Variants in NLK observed in about 807,000 individuals in gnomAD.
NLK encodes the protein serine/threonine-protein kinase NLK.
In NLK, 11 loss-of-function variants were observed where a neutral mutation model predicts 59.0. That is an observed-to-expected ratio of 0.19 (90% CI 0.12 to 0.31). The LOEUF (loss-of-function observed/expected upper bound fraction) is 0.31, where lower values mean the gene tolerates loss of function less well. Among genes scored for constraint, NLK ranks in the 10% least tolerant of loss-of-function variants. The pLI is 1.00. For missense variants in NLK, 410 were observed against 661.1 expected (o/e 0.62, Z 4.16); for synonymous variants, 235 against 235.9 (o/e 1.00, Z 0.03).
chr17:28,058,673 G>A (rs976539245), intron 1 of NLK, among the ~76,000 whole-genome samples: 4 of 152,072 alleles, frequency 2.6e-5, no homozygotes, highest in Non-Finnish European at 4.4e-5. Context: ...GGCAGGAGGC[G>A]CTTTTGAGCC....
In NLK at chr17:28,172,537, G is replaced by T; in HGVS notation, c.1068G>T (p.Leu356=). 6.3e-7 allele frequency: 1 copy of T among 1,592,162 alleles called. No homozygotes were observed. Among genetic ancestry groups the T allele is most frequent in the Non-Finnish European group, 8.5e-7 (1 of 1,170,184 alleles). ...TGTAGTTGGATTTGATCACGGATCT[G>T]TTGGGCACACCATCACTGGAAGCAA... The part of the protein sequence containing the change: ...PIQQLDLITD[L]LGTPSLEAMR... The change falls in exon 7 of 11, where the codon CTG becomes CTT. Residue 356 remains leucine, a synonymous_variant. Coordinates refer to ENST00000407008, the MANE Select transcript of NLK (RefSeq NM_016231.5).
intron 1 of NLK, chr17:28,048,867 G>C (rs1302837316): frequency 6.6e-6 from 1 of 152,210 alleles, no homozygotes; most frequent in African/African-American, 2.4e-5. Flanking sequence ...CAAGGCCAAA[G>C]AAACTTTTTC....
the NLK span, among the ~76,000 whole-genome samples, chr17:28,201,594 T>C: frequency 2.0e-5 from 3 of 152,020 alleles, no homozygotes; most frequent in African/African-American, 7.2e-5. Flanking sequence ...ACTAGCCAAT[T>C]GAACTCAGGA....
intron 2 of NLK, among the ~76,000 whole-genome samples, chr17:28,131,293 A>C (rs1005780179): frequency 1.1e-4 from 16 of 152,162 alleles, no homozygotes; most frequent in African/African-American, 3.9e-4. Context: ...TTAGACTAAC[A>C]AACTTTTTTT....
At chr17:28,071,434 CTTTTTT>C (rs538917495) in intron 1 of NLK, among the ~76,000 whole-genome samples, 2 of 132,898 alleles carry the variant, frequency 1.5e-5, no homozygotes, top group African/African-American at 5.5e-5. Context: ...TAGCTCTCCA[CTTTTTT>C]TTTTTTTTTT....
At chr17:28,054,601 C>T (rs1055441625) in intron 1 of NLK, among the ~76,000 whole-genome samples, 2 of 152,136 alleles carry the variant, frequency 1.3e-5, no homozygotes, top group African/African-American at 2.4e-5. Flanking sequence ...TTAAATTATA[C>T]TCCTTATAGC....
intron 6 of NLK, among the ~76,000 whole-genome samples, chr17:28,169,777 A>G (rs1468912173): frequency 4.1e-5 from 6 of 147,840 alleles, no homozygotes; most frequent in Non-Finnish European, 7.4e-5. Flanking sequence ...TGTACAATGA[A>G]GTAGGAAAGC....
chr17:28,045,469 T>C (rs1909017986), intron 1 of NLK, among the ~76,000 whole-genome samples: 1 of 152,204 alleles, frequency 6.6e-6, no homozygotes, highest in African/African-American at 2.4e-5. Flanking sequence ...CTGCTTGGCT[T>C]GTGGATGGCC....
intron 1 of NLK, among the ~76,000 whole-genome samples, chr17:28,056,829 A>C (rs1237293585): frequency 6.6e-6 from 1 of 151,376 alleles, no homozygotes; most frequent in Non-Finnish European, 1.5e-5. Flanking sequence ...TCATTCCCCT[A>C]CCTATTTTTT....
At chr17:28,118,201 A>C (rs1905865321) in intron 1 of NLK, among the ~76,000 whole-genome samples, 1 of 152,210 alleles carries the variant, frequency 6.6e-6, no homozygotes, top group Non-Finnish European at 1.5e-5. Flanking sequence ...CTAAATATTT[A>C]GAGTTTAGTT....
At chr17:28,101,929 G>A (rs1020938855) in intron 1 of NLK, among the ~76,000 whole-genome samples, 4 of 151,966 alleles carry the variant, frequency 2.6e-5, no homozygotes, top group Non-Finnish European at 4.4e-5. Flanking sequence ...TATTTTATCT[G>A]ATTCTAATAT....
chr17:28,194,472 A>G (rs1274279213), intron 10 of NLK, 110 bp from the exon 11 acceptor site: 6 of 716,654 alleles, frequency 8.4e-6, no homozygotes, highest in African/African-American at 1.8e-5. Context: ...ATAAAAATCC[A>G]GAAGTGGAAT....
Position 28,168,444 on chromosome 17 carries a change from C to T in NLK, c.838-4C>T. 6.2e-7 allele frequency: 1 copy of T among 1,604,610 alleles called. No homozygotes were observed. Among genetic ancestry groups the T allele is most frequent in the African/African-American group, 1.3e-5 (1 of 74,658 alleles). ...ATAATGTTTTGATTGCCTTTTCTGT[C>T]TAGATTTGTGATTTTGGATTGGCCA... On this transcript the variant is annotated splice_region_variant and splice_polypyrimidine_tract_variant and intron_variant, in intron 5 of 10. Coordinates refer to ENST00000407008, the MANE Select transcript of NLK (RefSeq NM_016231.5).
chr17:28,200,853 T>C (rs567143301), downstream of NLK, among the ~76,000 whole-genome samples: 1 of 152,350 alleles, frequency 6.6e-6, no homozygotes, highest in Non-Finnish European at 1.5e-5. Flanking sequence ...TTTTAACGCT[T>C]ATACTGGCAA....
rs188749097 is a variant in NLK at position 28,098,763 on chromosome 17, C to A, written c.459-23840C>A. Among the ~76,000 whole-genome samples the A allele has an allele frequency of 3.8e-3, 566 of 149,506 alleles. 7 individuals carry two copies. The highest frequency in any genetic ancestry group is 0.013 in the African/African-American group (544 of 40,526). ...AATGGCGCCATCTCGGCTCACCACA[C>A]CCTCCGCCTCCCGGGTTCAAGTGAT... On this transcript the variant is annotated intron_variant, in intron 1 of 10. Coordinates refer to ENST00000407008, the MANE Select transcript of NLK (RefSeq NM_016231.5).
intron 3 of NLK, among the ~76,000 whole-genome samples, chr17:28,148,308 C>G (rs1907341154): frequency 6.7e-6 from 1 of 148,308 alleles, no homozygotes; most frequent in Non-Finnish European, 1.5e-5. Context: ...AACATTTATA[C>G]ACATTTATAC....
chr17:28,063,639 T>A (rs1315078640), intron 1 of NLK, among the ~76,000 whole-genome samples: 1 of 152,212 alleles, frequency 6.6e-6, no homozygotes, highest in Admixed American at 6.5e-5. Context: ...GCTTATATAG[T>A]CAAACTTGTA....
chr17:28,194,471 C>A, intron 10 of NLK, 111 bp from the exon 11 acceptor site: 8 of 704,586 alleles, frequency 1.1e-5, no homozygotes, highest in Non-Finnish European at 1.6e-5. Context: ...AATAAAAATC[C>A]AGAAGTGGAA....
At chr17:28,089,747 A>G (rs73986102) in intron 1 of NLK, among the ~76,000 whole-genome samples, 1,540 of 152,148 alleles carry the variant, frequency 0.01, 28 homozygotes, top group African/African-American at 0.035. Flanking sequence ...AGTTTTTTAA[A>G]TTTTAGATAT....
Sources: allele counts gnomAD v4.1 joint callset (sites outside exome capture counted in the v4.1 genomes callset), GRCh38; gene constraint gnomAD v4.1.1; transcripts MANE v1.5; gene names NCBI Gene and HGNC (gene_info 2026-07-23, HGNC 2026-07-21).